GRIK2: variants seen among roughly 807,000 people sequenced by gnomAD.
The protein encoded by GRIK2 is glutamate receptor ionotropic, kainate 2.
GRIK2 carries 32 observed loss-of-function variants against 100.3 expected under a neutral mutation model. The observed-to-expected ratio is 0.32, with a 90% CI of 0.24 to 0.43. The LOEUF (loss-of-function observed/expected upper bound fraction) is 0.43. Among genes scored for constraint, GRIK2 ranks in the 20% least tolerant of loss-of-function variants. The pLI is 1.00. For missense variants in GRIK2, 843 were observed against 1,114.9 expected (o/e 0.76, Z 3.47); for synonymous variants, 417 against 389.4 (o/e 1.07, Z -0.83).
intron 2 of GRIK2, among the ~76,000 whole-genome samples, chr6:101,525,307 A>G (rs1775096292): frequency 6.6e-6 from 1 of 152,182 alleles, no homozygotes; most frequent in Non-Finnish European, 1.5e-5. Flanking sequence ...TATCAGTAGG[A>G]TGAATACTCA....
intron 9 of GRIK2, among the ~76,000 whole-genome samples, chr6:101,810,462 A>G (rs780967764): frequency 1.3e-5 from 2 of 152,048 alleles, no homozygotes; most frequent in Non-Finnish European, 2.9e-5. Context: ...GATCCTATGC[A>G]CACTAGTTGA....
chr6:101,809,649 C>T (rs944264296), intron 9 of GRIK2, among the ~76,000 whole-genome samples: 7 of 151,986 alleles, frequency 4.6e-5, no homozygotes, highest in Admixed American at 6.6e-5. Flanking sequence ...CCTTCCTCTA[C>T]GAAAGCAATT....
chr6:101,728,616 C>A (rs1215752111), intron 7 of GRIK2, among the ~76,000 whole-genome samples: 3 of 151,970 alleles, frequency 2.0e-5, no homozygotes, highest in African/African-American at 7.2e-5. Context: ...TGGTTACTTA[C>A]CTTATTGGAG....
chr6:101,874,898 T>G (rs545233750), intron 11 of GRIK2, among the ~76,000 whole-genome samples: 3 of 152,214 alleles, frequency 2.0e-5, no homozygotes, highest in African/African-American at 7.2e-5. Flanking sequence ...GCTCTCTGTT[T>G]GTCTGTTATT....
At chr6:101,534,563 GCA>G (rs1775597075) in intron 2 of GRIK2, among the ~76,000 whole-genome samples, 1 of 151,738 alleles carries the variant, frequency 6.6e-6, no homozygotes, top group Non-Finnish European at 1.5e-5. Context: ...GTGAACATTG[GCA>G]CAGATTGATG....
intron 2 of GRIK2, among the ~76,000 whole-genome samples, chr6:101,600,682 G>A (rs189887354): frequency 2.0e-5 from 3 of 151,718 alleles, no homozygotes; most frequent in East Asian, 1.9e-4. Context: ...AATTGTAAAC[G>A]GGATTGCATT....
chr6:101,737,454 G>T (rs1775716704), intron 7 of GRIK2, among the ~76,000 whole-genome samples: 1 of 152,208 alleles, frequency 6.6e-6, no homozygotes, highest in African/African-American at 2.4e-5. Flanking sequence ...ATCTTATGTG[G>T]ATGGTGGCAG....
chr6:101,743,064 G>A (rs1343100298), intron 7 of GRIK2, among the ~76,000 whole-genome samples: 1 of 152,148 alleles, frequency 6.6e-6, no homozygotes, highest in Non-Finnish European at 1.5e-5. Flanking sequence ...CGGGAATCAT[G>A]TTTACAAAAT....
At chr6:102,036,168 T>A (rs569978158) in intron 15 of GRIK2, among the ~76,000 whole-genome samples, 2 of 150,778 alleles carry the variant, frequency 1.3e-5, no homozygotes, top group African/African-American at 2.4e-5. Context: ...AAAACCATAA[T>A]AAAACTCTTG....
At chr6:101,536,298 A>G (rs1201170668) in intron 2 of GRIK2, among the ~76,000 whole-genome samples, 1 of 151,666 alleles carries the variant, frequency 6.6e-6, no homozygotes, top group Non-Finnish European at 1.5e-5. Flanking sequence ...TAAACCAGAA[A>G]AAAAGTATGC....
At chr6:101,856,841 A>G (rs910357302) in intron 10 of GRIK2, among the ~76,000 whole-genome samples, 1 of 152,190 alleles carries the variant, frequency 6.6e-6, no homozygotes, top group South Asian at 2.1e-4. Flanking sequence ...CAATGAGGGA[A>G]ATAATTTGGT....
intron 7 of GRIK2, among the ~76,000 whole-genome samples, chr6:101,789,993 T>C (rs1382318802): frequency 6.6e-6 from 1 of 152,204 alleles, no homozygotes; most frequent in Non-Finnish European, 1.5e-5. Flanking sequence ...TCACTCATGA[T>C]TTGGCTCTCT....
At chr6:101,859,732 A>C (rs1784631577) in intron 11 of GRIK2, among the ~76,000 whole-genome samples, 1 of 152,190 alleles carries the variant, frequency 6.6e-6, no homozygotes, top group African/African-American at 2.4e-5. Flanking sequence ...ATGGAACATT[A>C]TCTCTCTTGA....
chr6:101,588,668 G>GCACA (rs554114141), intron 2 of GRIK2, among the ~76,000 whole-genome samples: 17 of 143,122 alleles, frequency 1.2e-4, no homozygotes, highest in African/African-American at 2.4e-4. Context: ...ACACGCACAC[G>GCACA]CACACACACA....
intron 1 of GRIK2, among the ~76,000 whole-genome samples, chr6:101,396,186 G>A (rs879183727): frequency 2.6e-5 from 4 of 151,690 alleles, no homozygotes; most frequent in Non-Finnish European, 4.4e-5. Flanking sequence ...ACATGTTAAG[G>A]CATCAACTAT....
chr6:101,893,029 A>G (rs1787207061), intron 12 of GRIK2, among the ~76,000 whole-genome samples: 1 of 151,322 alleles, frequency 6.6e-6, no homozygotes, highest in South Asian at 2.1e-4. Context: ...TGCAAAGGCA[A>G]ATAAAATGTT....
intron 2 of GRIK2, among the ~76,000 whole-genome samples, chr6:101,521,752 A>G (rs1774893545): frequency 6.6e-6 from 1 of 151,934 alleles, no homozygotes; most frequent in African/African-American, 2.4e-5. Context: ...TTGTGGTTGT[A>G]CATTGGTGTA....
rs1554288374 is a variant in GRIK2, at chr6:101,930,356, A to AT, written c.2085+1724_2085+1725insT. Among the ~76,000 whole-genome samples the AT allele has an allele frequency of 4.6e-3, 685 of 149,690 alleles. 10 individuals carry two copies. The highest frequency in any genetic ancestry group is 0.016 in the African/African-American group (666 of 40,494). On this transcript the variant is annotated intron_variant, in intron 14 of 16. Coordinates refer to ENST00000369134, the MANE Select transcript of GRIK2 (RefSeq NM_021956.5). Reference sequence around the variant, plus strand: ...CAATCCTGTCTCAAAAAAAAAAAATAAAATAAAATAAAATAAATAAGTCGC... The same window carrying AT: ...CAATCCTGTCTCAAAAAAAAAAAATATAAATAAAATAAAATAAATAAGTCGC...
At chr6:101,919,213 G>A (rs1307890005) in intron 12 of GRIK2, among the ~76,000 whole-genome samples, 1 of 151,752 alleles carries the variant, frequency 6.6e-6, no homozygotes, top group East Asian at 1.9e-4. Flanking sequence ...AACTTAATAT[G>A]AGGATAGTTT....
Sources: gnomAD v4.1 joint callset for allele counts (sites outside exome capture counted in the v4.1 genomes callset) on GRCh38, gnomAD v4.1.1 for gene constraint, MANE v1.5 for transcripts, NCBI Gene and HGNC (gene_info 2026-07-23, HGNC 2026-07-21) for gene names.